The following FREM2 variants were observed in gnomAD, a reference collection of about 807,000 sequenced individuals.
FREM2 encodes the protein FRAS1 related extracellular matrix 2.
Under a neutral mutation model 219.9 loss-of-function variants are expected in FREM2, and 119 were observed. That is an observed-to-expected ratio of 0.54 (90% CI 0.47 to 0.63). The LOEUF is 0.63. Ranked by LOEUF, FREM2 falls within the 30% of genes least tolerant of loss-of-function variation. The probability of loss-of-function intolerance (pLI) is 0.00; values close to 1 mark genes in which losing one functional copy is unlikely to be tolerated. For synonymous variants in FREM2, 1,562 were observed against 1,522.8 expected (o/e 1.03, Z -0.60); for missense variants, 4,030 against 3,993.6 (o/e 1.01, Z -0.25).
In FREM2 at chr13:38,846,706, TC is replaced by T. The variant is rs764871687; in HGVS notation, c.6155del (p.Pro2052LeufsTer17). Reference protein sequence around the residue: ...SVTVRSRKTDPPSADAGTDYV... With the variant: ...SVTVRSRKTDXPSADAGTDYV... Reference sequence around the variant, plus strand: ...TCACAGTGAGGTCTCGGAAAACAGATCCTCCCTCTGCAGATGGTGAGCAGTT... The same window carrying T: ...TCACAGTGAGGTCTCGGAAAACAGATCTCCCTCTGCAGATGGTGAGCAGTT... On this transcript the variant is annotated frameshift_variant, in exon 7 of 24. Transcript: ENST00000280481. LOFTEE classifies it high-confidence loss of function. 6.2e-7 allele frequency: 1 copy of T among 1,613,694 alleles called. No homozygotes were observed. The highest frequency in any genetic ancestry group is 8.5e-7 in the Non-Finnish European group (1 of 1,179,752).
At chr13:38,806,576 T>C (rs1455079249) in intron 6 of FREM2, among the ~76,000 whole-genome samples, 6 of 151,942 alleles carry the variant, frequency 3.9e-5, no homozygotes, top group African/African-American at 1.2e-4. Flanking sequence ...ATACCTTAAA[T>C]AAAAAATACT....
At chr13:38,811,652 G>A (rs760170703) in intron 6 of FREM2, among the ~76,000 whole-genome samples, 1 of 151,972 alleles carries the variant, frequency 6.6e-6, no homozygotes, top group Non-Finnish European at 1.5e-5. Context: ...TTCTATAGTG[G>A]TCAGAGAATA....
At chr13:38,872,140 C>T (rs747208380) in intron 16 of FREM2, among the ~76,000 whole-genome samples, 3 of 152,228 alleles carry the variant, frequency 2.0e-5, no homozygotes, top group Non-Finnish European at 2.9e-5. Context: ...AGTATTGAAA[C>T]GTGCTCAAAC....
At chr13:38,745,676 TTTG>T (rs998432923) in intron 2 of FREM2, among the ~76,000 whole-genome samples, 27 of 152,234 alleles carry the variant, frequency 1.8e-4, no homozygotes, top group Middle Eastern at 6.8e-3. Context: ...TTATTGTTTG[TTTG>T]TTGTTGTTGT....
chr13:38,829,666 A>C (rs148675953), intron 6 of FREM2, among the ~76,000 whole-genome samples: 1,597 of 151,002 alleles, frequency 0.011, 38 homozygotes, highest in African/African-American at 0.036. Context: ...TTTAGATTTC[A>C]CAGTGTCTTG....
intron 6 of FREM2, among the ~76,000 whole-genome samples, chr13:38,823,236 C>T (rs1240559420): frequency 1.3e-5 from 2 of 151,976 alleles, no homozygotes; most frequent in African/African-American, 4.8e-5. Flanking sequence ...TCACCTGATC[C>T]AAACGAACTT....
Position 38,762,723 on chromosome 13 carries a change from C to A in FREM2, c.5264-1581C>A, listed in dbSNP as rs141235655. Among the ~76,000 whole-genome samples the A allele has an allele frequency of 2.1e-3, 323 of 152,262 alleles. 2 individuals carry two copies. The highest frequency in any genetic ancestry group is 7.5e-3 in the African/African-American group (310 of 41,546). On this transcript the variant is annotated intron_variant, in intron 2 of 23. Coordinates refer to ENST00000280481, the MANE Select transcript of FREM2 (RefSeq NM_207361.6). The stretch of plus-strand genomic sequence containing the variant: ...GTGCTGAGACTACAGGCATGAGCCA[C>A]CACGCCCGGCCCCAATCTATTTATA...
chr13:38,820,627 T>G (rs1291424542), intron 6 of FREM2, among the ~76,000 whole-genome samples: 1 of 152,162 alleles, frequency 6.6e-6, no homozygotes, highest in Non-Finnish European at 1.5e-5. Flanking sequence ...AAAAGATCTC[T>G]TACTAGATAC....
intron 2 of FREM2, among the ~76,000 whole-genome samples, chr13:38,725,294 A>G (rs182186885): frequency 5.5e-4 from 84 of 152,338 alleles, no homozygotes; most frequent in Admixed American, 2.3e-3. Context: ...AATACTTTAC[A>G]TACATGGGAA....
chr13:38,741,334 G>T (rs1222362770), intron 2 of FREM2, among the ~76,000 whole-genome samples: 1 of 152,108 alleles, frequency 6.6e-6, no homozygotes, highest in African/African-American at 2.4e-5. Flanking sequence ...AGTACCCAGT[G>T]CTCTCTTAAC....
intron 6 of FREM2, among the ~76,000 whole-genome samples, chr13:38,803,007 GT>G (rs569884084): frequency 1.7e-3 from 252 of 152,132 alleles, no homozygotes; most frequent in African/African-American, 5.9e-3. Context: ...TTGCTTCTCT[GT>G]TGAATCCCAA....
intron 6 of FREM2, among the ~76,000 whole-genome samples, chr13:38,796,780 AC>A (rs1874806082): frequency 6.6e-6 from 1 of 152,140 alleles, no homozygotes; most frequent in Admixed American, 6.6e-5. Flanking sequence ...TTGGATAAAT[AC>A]CTAGTGCTAG....
intron 6 of FREM2, among the ~76,000 whole-genome samples, chr13:38,793,439 G>A (rs961705755): frequency 1.3e-5 from 2 of 152,170 alleles, no homozygotes; most frequent in Non-Finnish European, 1.5e-5. Context: ...AAGTGCACTG[G>A]CTAAGTGGAT....
intron 2 of FREM2, among the ~76,000 whole-genome samples, chr13:38,762,330 C>T (rs1208696254): frequency 2.0e-5 from 3 of 152,180 alleles, no homozygotes; most frequent in Non-Finnish European, 4.4e-5. Flanking sequence ...CAGAACAGCA[C>T]TCAGGGTGCA....
At chr13:38,751,735 A>G (rs2137794665) in intron 2 of FREM2, among the ~76,000 whole-genome samples, 1 of 152,272 alleles carries the variant, frequency 6.6e-6, no homozygotes, top group South Asian at 2.1e-4. Flanking sequence ...TATACTTCCT[A>G]ACATATGTGC....
chr13:38,767,571 C>A (rs1216709824), intron 3 of FREM2, among the ~76,000 whole-genome samples: 1 of 152,168 alleles, frequency 6.6e-6, no homozygotes, highest in Non-Finnish European at 1.5e-5. Context: ...CTATCAGAGG[C>A]AAACTAACAG....
intron 4 of FREM2, among the ~76,000 whole-genome samples, chr13:38,780,825 T>C (rs1874088955): frequency 6.6e-6 from 1 of 152,180 alleles, no homozygotes; most frequent in Admixed American, 6.5e-5. Flanking sequence ...ACCCCACTTC[T>C]AGTTAATCCA....
At chr13:38,757,321 A>T (rs899538003) in intron 2 of FREM2, among the ~76,000 whole-genome samples, 5 of 152,178 alleles carry the variant, frequency 3.3e-5, no homozygotes, top group African/African-American at 9.7e-5. Context: ...ATTTGTCAGC[A>T]CCCATCTCCA....
intron 2 of FREM2, among the ~76,000 whole-genome samples, chr13:38,719,468 A>G (rs561015247): frequency 6.6e-6 from 1 of 152,016 alleles, no homozygotes; most frequent in African/African-American, 2.4e-5. Flanking sequence ...TGATCCGCCC[A>G]CCTTGGCCTC....
Sources: allele counts gnomAD v4.1 joint callset (sites outside exome capture counted in the v4.1 genomes callset), GRCh38; gene constraint gnomAD v4.1.1; transcripts MANE v1.5; gene names NCBI Gene and HGNC (gene_info 2026-07-23, HGNC 2026-07-21).